Variants in SYT9 observed in about 807,000 individuals in gnomAD.
SYT9 encodes synaptotagmin 9.
SYT9 carries 22 observed loss-of-function variants against 48.4 expected under a neutral mutation model. That is an observed-to-expected ratio of 0.45 (90% confidence interval 0.32 to 0.65). The LOEUF (loss-of-function observed/expected upper bound fraction) is 0.65. Ranked by LOEUF, SYT9 falls within the 30% of genes least tolerant of loss-of-function variation. SYT9 has a pLI of 0.03. For missense variants in SYT9, 577 were observed against 622.0 expected (o/e 0.93, Z 0.77); for synonymous variants, 265 against 245.0 (o/e 1.08, Z -0.76).
At chr11:7,367,168 G>A (rs904109341) in intron 3 of SYT9, among the ~76,000 whole-genome samples, 3 of 124,574 alleles carry the variant, frequency 2.4e-5, no homozygotes, top group Admixed American at 1.0e-4. Flanking sequence ...TGCAAGCTCC[G>A]CCTCCCGGGT....
intron 3 of SYT9, among the ~76,000 whole-genome samples, chr11:7,376,370 T>TCCTCC (rs1405194322): frequency 6.1e-4 from 89 of 146,522 alleles, no homozygotes; most frequent in Non-Finnish European, 1.0e-3. Flanking sequence ...CCTTCCTTCC[T>TCCTCC]CCTCCCCTCC....
intron 3 of SYT9, among the ~76,000 whole-genome samples, chr11:7,350,706 C>T (rs1849898766): frequency 2.0e-5 from 3 of 152,182 alleles, no homozygotes; most frequent in Admixed American, 2.0e-4. Context: ...ACAGCTCCTT[C>T]TTTGGTGACT....
At chr11:7,255,088 A>G (rs1046552470) in intron 1 of SYT9, among the ~76,000 whole-genome samples, 8 of 152,208 alleles carry the variant, frequency 5.3e-5, no homozygotes, top group African/African-American at 1.7e-4. Context: ...GTGGAAAGGA[A>G]AGTGCTGAGT....
intron 3 of SYT9, among the ~76,000 whole-genome samples, chr11:7,410,275 A>G (rs1040600638): frequency 6.6e-6 from 1 of 152,134 alleles, no homozygotes; most frequent in Non-Finnish European, 1.5e-5. Context: ...TGTATCCTGG[A>G]GAATGTTTCA....
intron 6 of SYT9, among the ~76,000 whole-genome samples, chr11:7,446,891 G>A (rs147193132): frequency 1.3e-3 from 194 of 152,332 alleles, no homozygotes; most frequent in African/African-American, 4.5e-3. Flanking sequence ...ATGATCCACT[G>A]GGCAGTGAGG....
At chr11:7,380,052 G>A (rs545145763) in intron 3 of SYT9, among the ~76,000 whole-genome samples, 51 of 152,198 alleles carry the variant, frequency 3.4e-4, no homozygotes, top group African/African-American at 1.1e-3. Flanking sequence ...AGTGTCTATC[G>A]AGAGATGAAT....
intron 1 of SYT9, among the ~76,000 whole-genome samples, chr11:7,288,059 A>T (rs550833774): frequency 2.0e-5 from 3 of 152,238 alleles, no homozygotes; most frequent in Admixed American, 6.5e-5. Context: ...TGCTCCCTAC[A>T]CTTAGCTTTA....
intron 3 of SYT9, among the ~76,000 whole-genome samples, chr11:7,323,514 G>A (rs1849374524): frequency 6.6e-6 from 1 of 151,686 alleles, no homozygotes; most frequent in Non-Finnish European, 1.5e-5. Flanking sequence ...AATGCCAGTG[G>A]AGTAAACCTT....
At chr11:7,447,518 A>G (rs1048555600) in intron 6 of SYT9, among the ~76,000 whole-genome samples, 2 of 152,130 alleles carry the variant, frequency 1.3e-5, no homozygotes, top group Admixed American at 1.3e-4. Context: ...ACAAACATTC[A>G]CTTCCTTCGA....
intron 3 of SYT9, among the ~76,000 whole-genome samples, chr11:7,380,519 A>G (rs1268508537): frequency 7.2e-5 from 11 of 152,174 alleles, no homozygotes. Flanking sequence ...CTTATTTCAC[A>G]TTGCATTCCT....
rs113252583 is a variant in SYT9 at position 7,245,158 on chromosome 11, T to C, written c.49+6242T>C. ...GACAAATTTGAATTTGAATGCTGGC[T>C]GTCTCCAATAAGCTGGAGAAGTTCC... On this transcript the variant is annotated intron_variant and NMD_transcript_variant, in intron 1 of 8. Transcript: ENST00000524820. Among the ~76,000 whole-genome samples the C allele has an allele frequency of 4.4e-3, 677 of 152,326 alleles. 4 individuals carry two copies. The highest frequency in any genetic ancestry group is 0.015 in the African/African-American group (639 of 41,574).
At position 7,262,996 on chromosome 11, in the gene SYT9, T is replaced by C. The variant is rs138247642; in HGVS notation, c.145+10665T>C. 1.8e-4 allele frequency among the ~76,000 whole-genome samples: 28 copies of C among 152,168 alleles called. No individual in the cohort carries two copies. In the East Asian group the frequency reaches 3.7e-3, roughly 20 times the overall value. Reference sequence around the variant, plus strand: ...GGAATGACTAGTACAGAACAAAAAATCATGATATAGGATAAAGAGGGGAGG... The same window carrying C: ...GGAATGACTAGTACAGAACAAAAAACCATGATATAGGATAAAGAGGGGAGG... On this transcript the variant is annotated intron_variant, in intron 1 of 6. Coordinates refer to ENST00000318881, the MANE Select transcript of SYT9 (RefSeq NM_175733.4).
intron 3 of SYT9, among the ~76,000 whole-genome samples, chr11:7,338,729 G>A (rs1849668445): frequency 6.6e-6 from 1 of 152,004 alleles, no homozygotes; most frequent in Admixed American, 6.6e-5. Flanking sequence ...TATGATTTTG[G>A]TTGTTTTGCA....
chr11:7,252,359 G>C lies in SYT9; in HGVS notation c.145+28G>C, dbSNP rs749471537. On this transcript the variant is annotated intron_variant, in intron 1 of 6. Transcript: ENST00000318881. This position sits in a 1 kb window ranked among gnomAD's most constrained non-coding sequence, Gnocchi z 6.3. ...GAGTGCCGCCACCGCCGCCTGGAGG[G>C]ACCTAAGGGCCCTGGGCTGGGACTT... is the stretch of plus-strand genomic sequence containing the variant. 5 of 1,433,224 alleles carry C rather than the reference G, an allele frequency of 3.5e-6. No homozygotes were observed. The African/African-American group carries it at 7.4e-5, about 21-fold the overall frequency. 88.8% of individuals were successfully genotyped at this position (1,433,224 alleles called of 1,614,324 possible). A position where few individuals can be genotyped will look rare whatever the true frequency, so the allele number is the denominator to read the frequency against.
At chr11:7,290,435 A>C (rs941634562) in intron 1 of SYT9, among the ~76,000 whole-genome samples, 2 of 152,172 alleles carry the variant, frequency 1.3e-5, no homozygotes, top group Non-Finnish European at 2.9e-5. Flanking sequence ...TGCTTGTCCC[A>C]GAACCAATGC....
At chr11:7,283,993 A>G (rs1380716205) in intron 1 of SYT9, among the ~76,000 whole-genome samples, 1 of 152,170 alleles carries the variant, frequency 6.6e-6, no homozygotes. Flanking sequence ...TAAAGTCTTC[A>G]CTTATCTCCA....
chr11:7,445,382 T>C (rs1847907765), intron 6 of SYT9, among the ~76,000 whole-genome samples: 1 of 152,160 alleles, frequency 6.6e-6, no homozygotes, highest in Non-Finnish European at 1.5e-5. Context: ...CTGTCCAGCC[T>C]TGGACTCCAC....
intron 5 of SYT9, among the ~76,000 whole-genome samples, chr11:7,418,571 AT>A (rs1334058392): frequency 1.3e-5 from 2 of 152,212 alleles, no homozygotes; most frequent in Non-Finnish European, 2.9e-5. Flanking sequence ...CATAACTTCA[AT>A]CTTTTTCCTT....
chr11:7,246,233 A>T (rs1038994036), intron 1 of SYT9, among the ~76,000 whole-genome samples: 4 of 152,172 alleles, frequency 2.6e-5, no homozygotes, highest in Non-Finnish European at 5.9e-5. Context: ...CCTGCTGGCC[A>T]CCAGTGGCCT....
Sources: allele counts gnomAD v4.1 joint callset (sites outside exome capture counted in the v4.1 genomes callset), GRCh38; gene constraint gnomAD v4.1.1; non-coding constraint Gnocchi (gnomAD v3.1); transcripts MANE v1.5; gene names NCBI Gene and HGNC (gene_info 2026-07-23, HGNC 2026-07-21).